CDC14A: variants seen among roughly 807,000 people sequenced by gnomAD.
The protein encoded by CDC14A is dual specificity protein phosphatase CDC14A.
CDC14A carries 53 observed loss-of-function variants against 74.4 expected under a neutral mutation model. The ratio of observed to expected loss-of-function variants is 0.71; its 90% CI spans 0.57 to 0.89. CDC14A has a LOEUF of 0.89. Ranked by LOEUF, CDC14A falls within the 40% of genes least tolerant of loss-of-function variation. The pLI is 0.00. For synonymous variants in CDC14A, 247 were observed against 258.4 expected, an observed-to-expected ratio of 0.96 and a Z score of 0.43; for missense variants, 646 against 713.7, an observed-to-expected ratio of 0.91 and a Z score of 1.08.
At chr1:100,404,269 A>T (rs1659644441) in intron 4 of CDC14A, among the ~76,000 whole-genome samples, 1 of 152,036 alleles carries the variant, frequency 6.6e-6, no homozygotes, top group East Asian at 1.9e-4. Context: ...TTAGTGTTCA[A>T]AATAGGGTTG....
At chr1:100,491,572 A>ATATATATATTT (rs1418515078) in intron 11 of CDC14A, among the ~76,000 whole-genome samples, 1 of 25,106 alleles carries the variant, frequency 4.0e-5, no homozygotes, top group Non-Finnish European at 7.1e-5. Flanking sequence ...ATATATATAT[A>ATATATATATTT]TTTTTTTTTT....
chr1:100,373,930 A>G (rs948997815), intron 2 of CDC14A, among the ~76,000 whole-genome samples: 21 of 152,160 alleles, frequency 1.4e-4, no homozygotes, highest in African/African-American at 4.6e-4. Context: ...CATTAGGTAT[A>G]TCTCCTGATG....
chr1:100,455,062 A>C (rs369055440), intron 7 of CDC14A, among the ~76,000 whole-genome samples: 12 of 145,240 alleles, frequency 8.3e-5, no homozygotes, highest in South Asian at 2.1e-4. Context: ...GAAAGTTTTC[A>C]TATTTCCCAT....
At chr1:100,442,476 G>T (rs1665062763) in intron 6 of CDC14A, among the ~76,000 whole-genome samples, 1 of 149,642 alleles carries the variant, frequency 6.7e-6, no homozygotes, top group Non-Finnish European at 1.5e-5. Flanking sequence ...AGTAAAAGAT[G>T]CAGGGTTTTT....
chr1:100,518,493 G>T lies in CDC14A; in HGVS notation c.*213G>T, dbSNP rs1015822091. On this transcript the variant is annotated 3_prime_UTR_variant, in exon 16 of 16. Transcript: ENST00000336454. The stretch of plus-strand genomic sequence containing the variant: ...AATGCACTGAAACTATGTTTATGGA[G>T]ATTTCCATACTTTTAAAGACAGTTT... 1.7e-5 allele frequency: 8 copies of T among 483,374 alleles called. No homozygotes were observed. The highest frequency in any genetic ancestry group is 3.0e-5 in the Non-Finnish European group (8 of 268,210). The allele number at this position is 483,374 out of a possible 1,614,324, so 29.9% of individuals were successfully genotyped here.
At chr1:100,424,995 C>G (rs1217225985) in intron 5 of CDC14A, among the ~76,000 whole-genome samples, 1 of 151,980 alleles carries the variant, frequency 6.6e-6, no homozygotes, top group Non-Finnish European at 1.5e-5. Context: ...TGGTGAAACC[C>G]CGTCTCTACT....
At chr1:100,476,134 G>A (rs908642995) in intron 10 of CDC14A, among the ~76,000 whole-genome samples, 2 of 152,248 alleles carry the variant, frequency 1.3e-5, no homozygotes, top group Middle Eastern at 3.4e-3. Context: ...ACTAGACAGA[G>A]CAGGCTTTTC....
chr1:100,446,890 G>A (rs935723658), intron 7 of CDC14A, among the ~76,000 whole-genome samples: 3 of 152,012 alleles, frequency 2.0e-5, no homozygotes, highest in Admixed American at 6.5e-5. Context: ...GTAGAGATGG[G>A]GTTTCGCCAT....
At chr1:100,489,497 C>T (rs547107795) in intron 11 of CDC14A, among the ~76,000 whole-genome samples, 3 of 151,454 alleles carry the variant, frequency 2.0e-5, no homozygotes, top group East Asian at 3.9e-4. Context: ...TCTGTGGACA[C>T]GATTGTGCAT....
chr1:100,478,855 T>C (rs1319959584), intron 10 of CDC14A, among the ~76,000 whole-genome samples: 1 of 152,204 alleles, frequency 6.6e-6, no homozygotes. Flanking sequence ...TTGTCTTCAG[T>C]GCTTCTCAAA....
At chr1:100,458,617 C>A (rs566793995) in intron 8 of CDC14A, among the ~76,000 whole-genome samples, 168 of 151,504 alleles carry the variant, frequency 1.1e-3, no homozygotes, top group African/African-American at 4.0e-3. Flanking sequence ...TTTGTAAATG[C>A]TTTTTGAAGT....
chr1:100,351,395 C>G (rs1650974736), upstream of CDC14A, among the ~76,000 whole-genome samples: 1 of 152,154 alleles, frequency 6.6e-6, no homozygotes, highest in African/African-American at 2.4e-5. Context: ...TTCGGATAGT[C>G]GGTCTGTAGC....
chr1:100,442,935 G>C lies in CDC14A; in HGVS notation c.458G>C (p.Gly153Ala), dbSNP rs762510545. Residue 153 changes from glycine to alanine, a missense_variant and splice_region_variant, in exon 7 of 16, where the codon GGA (glycine) becomes GCA (alanine). Physicochemically the swap from Gly to Ala is moderately conservative, Grantham distance 60. Transcript: ENST00000336454. ...ILDCLQGIRK[G>A]LQHGFFDFET... is the part of the protein sequence containing the mutation. ...AACTAATTCAAATTCTGCTTTTAGG[G>C]ATTACAACATGGATTTTTTGACTTT... 1 of 1,594,012 alleles carries C rather than the reference G, an allele frequency of 6.3e-7. No individual in the cohort carries two copies. Among genetic ancestry groups the C allele is most frequent in the Non-Finnish European group, 8.6e-7 (1 of 1,162,562 alleles).
At chr1:100,402,183 ATT>A (rs1022258060) in intron 4 of CDC14A, among the ~76,000 whole-genome samples, 4 of 151,876 alleles carry the variant, frequency 2.6e-5, no homozygotes, top group Admixed American at 6.6e-5. Context: ...CCCTGAAGAC[ATT>A]ATCCATTATC....
At chr1:100,468,754 C>T (rs7514878) in intron 10 of CDC14A, among the ~76,000 whole-genome samples, 8,666 of 152,210 alleles carry the variant, frequency 0.057, 839 homozygotes, top group African/African-American at 0.2. Context: ...ATCCTTTCTT[C>T]TTAGAATGTT....
chr1:100,406,574 G>A lies in CDC14A; in HGVS notation c.309+15750G>A, dbSNP rs146909769. Among the ~76,000 whole-genome samples, 513 of 152,134 alleles carry A rather than the reference G, an allele frequency of 3.4e-3. 2 individuals are homozygous for A. The highest frequency in any genetic ancestry group is 0.011 in the African/African-American group (465 of 41,506). On this transcript the variant is annotated intron_variant, in intron 4 of 15. Transcript: ENST00000336454. ...TTTTTGTGTAAGGTGTAAGGAAGGGGTCCAGTTTCAATTTTCTGCTTATGG... is the reference window on the plus strand; with the variant it reads ...TTTTTGTGTAAGGTGTAAGGAAGGGATCCAGTTTCAATTTTCTGCTTATGG...
chr1:100,465,082 C>T (rs973719961), intron 9 of CDC14A, among the ~76,000 whole-genome samples: 1 of 151,902 alleles, frequency 6.6e-6, no homozygotes, highest in Non-Finnish European at 1.5e-5. Context: ...CCCACCACCA[C>T]TCCTGGCTAA....
intron 2 of CDC14A, among the ~76,000 whole-genome samples, chr1:100,355,338 T>C (rs1272221816): frequency 6.6e-6 from 1 of 152,226 alleles, no homozygotes; most frequent in East Asian, 1.9e-4. Context: ...AATATGTCAT[T>C]GAATGAGCTC....
At chr1:100,477,912 C>T (rs1669082061) in intron 10 of CDC14A, among the ~76,000 whole-genome samples, 2 of 152,062 alleles carry the variant, frequency 1.3e-5, no homozygotes, top group South Asian at 4.1e-4. Flanking sequence ...AAAATATGTC[C>T]AGGTGCTTGA....
Sources: gnomAD v4.1 joint callset for allele counts (sites outside exome capture counted in the v4.1 genomes callset) on GRCh38, gnomAD v4.1.1 for gene constraint, MANE v1.5 for transcripts, NCBI Gene and HGNC (gene_info 2026-07-23, HGNC 2026-07-21) for gene names.